CR1L: variants seen among roughly 807,000 people sequenced by gnomAD.
CR1L encodes the protein complement component receptor 1-like protein.
A neutral mutation model predicts 62.3 loss-of-function variants in CR1L; 59 were observed. The observed-to-expected ratio is 0.95, with a 90% confidence interval of 0.77 to 1.18. The LOEUF (loss-of-function observed/expected upper bound fraction) is 1.18, where lower values mean the gene tolerates loss of function less well. CR1L is among the 50% of genes most tolerant of loss of function. The pLI is 0.00. For missense variants in CR1L, 700 were observed against 702.8 expected (o/e 1.00, Z 0.04); for synonymous variants, 279 against 248.7 (o/e 1.12, Z -1.15).
chr1:207,691,242 GTC>G (rs1309909460), intron 4 of CR1L, among the ~76,000 whole-genome samples: 1 of 152,040 alleles, frequency 6.6e-6, no homozygotes, highest in Non-Finnish European at 1.5e-5. Flanking sequence ...ATAATGAAAT[GTC>G]TCTCTTTACC....
chr1:207,719,167 G>A (rs1654075737), intron 11 of CR1L, among the ~76,000 whole-genome samples: 2 of 141,984 alleles, frequency 1.4e-5, no homozygotes, highest in Admixed American at 7.3e-5. Context: ...TAGATGACAC[G>A]TTAGTGGGTG....
At chr1:207,715,689 T>A (rs944361471) in intron 10 of CR1L, among the ~76,000 whole-genome samples, 3 of 152,168 alleles carry the variant, frequency 2.0e-5, no homozygotes, top group African/African-American at 7.2e-5. Context: ...AATTTTCTTA[T>A]AAGGAGTAAT....
chr1:207,655,588 G>A (rs1386072615), intron 1 of CR1L, among the ~76,000 whole-genome samples: 2 of 152,068 alleles, frequency 1.3e-5, no homozygotes, highest in Non-Finnish European at 2.9e-5. Context: ...CTACAGGCAT[G>A]TGCCACCATA....
Position 207,646,008 on chromosome 1 carries a change from A to G in CR1L, c.97+678A>G, listed in dbSNP as rs139284821. On this transcript the variant is annotated intron_variant, in intron 1 of 11. Transcript: ENST00000508064. ...GCATGTTGAGTGAGAGCAGGCTCTC[A>G]GTGCCTGGGGTTAGAGAGGTGGTAA... 3.7e-3 allele frequency among the ~76,000 whole-genome samples: 564 copies of G among 151,806 alleles called. 1 individual carries two copies. The highest frequency in any genetic ancestry group is 5.0e-3 in the Admixed American group (77 of 15,260).
At chr1:207,721,696 G>T (rs1273911585) in intron 11 of CR1L, among the ~76,000 whole-genome samples, 20 of 150,682 alleles carry the variant, frequency 1.3e-4, no homozygotes, top group African/African-American at 4.2e-4. Flanking sequence ...TAGTCCTTTG[G>T]GTATATACCC....
chr1:207,713,618 TGTGA>T, intron 10 of CR1L, among the ~76,000 whole-genome samples: 1 of 152,160 alleles, frequency 6.6e-6, no homozygotes, highest in South Asian at 2.1e-4. Flanking sequence ...GGAGGGGGTG[TGTGA>T]GTGAGCAAGT....
chr1:207,653,514 A>G (rs904685639), intron 1 of CR1L, among the ~76,000 whole-genome samples: 1 of 152,242 alleles, frequency 6.6e-6, no homozygotes, highest in African/African-American at 2.4e-5. Flanking sequence ...AGTAGGGCTC[A>G]CAGAAATGAG....
intron 11 of CR1L, among the ~76,000 whole-genome samples, chr1:207,720,384 A>C (rs1012663885): frequency 6.6e-6 from 1 of 152,218 alleles, no homozygotes; most frequent in South Asian, 2.1e-4. Flanking sequence ...TAGATTGCTT[A>C]AGATACCAGT....
chr1:207,687,254 T>G (rs1663925732), intron 4 of CR1L, among the ~76,000 whole-genome samples: 2 of 152,242 alleles, frequency 1.3e-5, no homozygotes, highest in Admixed American at 1.3e-4. Flanking sequence ...TATTTCTTCT[T>G]TAAATGTTTA....
chr1:207,694,492 T>A lies in CR1L; in HGVS notation c.603T>A (p.Gly201=), dbSNP rs1664041581. The A allele has an allele frequency of 6.2e-7, 1 of 1,613,776 alleles. No individual in the cohort carries two copies. Among genetic ancestry groups the A allele is most frequent in the Admixed American group, 1.7e-5 (1 of 60,004 alleles). ...GGAAAAAGGTGTTTGAGCTTGTGGG[T>A]GAGCCCTCCATATACTGCACCAGCA... ...SRGKKVFELV[G]EPSIYCTSKD... is the part of the protein sequence containing the mutation. The change falls in exon 5 of 12, where the codon GGT becomes GGA. Residue 201 remains glycine, a synonymous_variant. Coordinates refer to ENST00000508064, the MANE Select transcript of CR1L (RefSeq NM_175710.2).
intron 4 of CR1L, among the ~76,000 whole-genome samples, chr1:207,685,174 T>C (rs1663880848): frequency 1.3e-5 from 2 of 152,230 alleles, no homozygotes; most frequent in African/African-American, 4.8e-5. Context: ...TTTTTATCTC[T>C]GTTTCTAGTT....
At chr1:207,679,187 T>C (rs1283486554) in intron 3 of CR1L, among the ~76,000 whole-genome samples, 3 of 136,822 alleles carry the variant, frequency 2.2e-5, no homozygotes, top group African/African-American at 5.6e-5. Flanking sequence ...GTATTTTTAG[T>C]AGAGACAGGA....
chr1:207,710,504 G>T (rs1664338223), intron 10 of CR1L: 2 of 1,608,008 alleles, frequency 1.2e-6, no homozygotes, highest in East Asian at 4.5e-5. Flanking sequence ...AGGGAGAAAG[G>T]TGTTTGAGCT....
intron 3 of CR1L, among the ~76,000 whole-genome samples, chr1:207,679,031 C>G (rs1214964789): frequency 6.9e-6 from 1 of 144,782 alleles, no homozygotes; most frequent in Non-Finnish European, 1.5e-5. Context: ...GAGTCTGGCT[C>G]TGTTGCCCAG....
intron 1 of CR1L, chr1:207,657,359 C>T (rs1663333399): frequency 1.3e-6 from 1 of 785,408 alleles, no homozygotes; most frequent in Non-Finnish European, 2.2e-6. Flanking sequence ...TCTGTAAGTA[C>T]TCTGGAAATA....
chr1:207,672,346 A>G (rs1663626866), intron 1 of CR1L, among the ~76,000 whole-genome samples: 2 of 150,390 alleles, frequency 1.3e-5, no homozygotes, highest in Admixed American at 6.6e-5. Context: ...AATATCTAAT[A>G]TGTATCCATC....
chr1:207,648,052 T>C (rs35728110), intron 1 of CR1L, among the ~76,000 whole-genome samples: 26,898 of 151,726 alleles, frequency 0.18, 2,977 homozygotes, highest in Non-Finnish European at 0.26. Flanking sequence ...TGGTCCCAGC[T>C]ACTTGGGAGG....
intron 1 of CR1L, among the ~76,000 whole-genome samples, chr1:207,660,910 G>C (rs1264155688): frequency 1.3e-5 from 2 of 152,228 alleles, no homozygotes; most frequent in African/African-American, 4.8e-5. Context: ...GTACCCAGTA[G>C]TCATTCAGGA....
intron 10 of CR1L, among the ~76,000 whole-genome samples, chr1:207,715,756 G>T (rs1036268589): frequency 2.2e-4 from 33 of 151,956 alleles, no homozygotes; most frequent in Non-Finnish European, 4.4e-5. Context: ...GAATGCAGTG[G>T]TGCAATCACA....
Sources: allele counts gnomAD v4.1 joint callset (sites outside exome capture counted in the v4.1 genomes callset), GRCh38; gene constraint gnomAD v4.1.1; transcripts MANE v1.5; gene names NCBI Gene and HGNC (gene_info 2026-07-23, HGNC 2026-07-21).